Variants in SCAMP5 observed in about 807,000 individuals in gnomAD.
The protein encoded by SCAMP5 is secretory carrier-associated membrane protein 5.
In SCAMP5, 7 loss-of-function variants were observed where a neutral mutation model predicts 28.3. That is an observed-to-expected ratio of 0.25 (90% CI 0.14 to 0.46). The LOEUF (loss-of-function observed/expected upper bound fraction) is 0.46, where lower values mean the gene tolerates loss of function less well. Among genes scored for constraint, SCAMP5 ranks in the 20% least tolerant of loss-of-function variants. SCAMP5 has a pLI of 0.99. For missense variants in SCAMP5, 192 were observed against 312.5 expected, an observed-to-expected ratio of 0.61 and a Z score of 2.91; for synonymous variants, 117 against 116.4, an observed-to-expected ratio of 1.00 and a Z score of -0.03.
chr15:75,005,157 A>G (rs924791937), intron 1 of SCAMP5, among the ~76,000 whole-genome samples: 1 of 150,720 alleles, frequency 6.6e-6, no homozygotes, highest in Non-Finnish European at 1.5e-5. Flanking sequence ...CCTGGGTGAC[A>G]GAGTGAGGCT....
chr15:75,003,056 G>A (rs2065724203), intron 1 of SCAMP5, among the ~76,000 whole-genome samples: 1 of 152,136 alleles, frequency 6.6e-6, no homozygotes, highest in Admixed American at 6.6e-5. Flanking sequence ...TCAGCCTCCT[G>A]TGTAGCTGGG....
chr15:75,014,715 A>G (rs564528634), intron 3 of SCAMP5, among the ~76,000 whole-genome samples: 2 of 152,300 alleles, frequency 1.3e-5, no homozygotes, highest in East Asian at 3.9e-4. Flanking sequence ...AGACAGAAAG[A>G]AGCTGATGGC....
chr15:75,010,639 T>G (rs562170085), intron 1 of SCAMP5, among the ~76,000 whole-genome samples: 11 of 152,206 alleles, frequency 7.2e-5, no homozygotes, highest in African/African-American at 2.6e-4. Context: ...CAGCAAGACC[T>G]CCTCTCTACA....
chr15:75,004,170 C>G (rs573627616), intron 1 of SCAMP5, among the ~76,000 whole-genome samples: 1 of 152,070 alleles, frequency 6.6e-6, no homozygotes, highest in Non-Finnish European at 1.5e-5. Context: ...TCCCAAAGTG[C>G]TGGTATTACA....
chr15:75,006,604 G>A (rs796097915), intron 1 of SCAMP5, among the ~76,000 whole-genome samples: 2 of 152,042 alleles, frequency 1.3e-5, no homozygotes, highest in East Asian at 1.9e-4. Context: ...TGGCTAACAC[G>A]GTGAAACCCC....
chr15:75,006,930 C>T (rs905875687), intron 1 of SCAMP5, among the ~76,000 whole-genome samples: 6 of 151,878 alleles, frequency 4.0e-5, no homozygotes, highest in South Asian at 4.1e-4. Context: ...CAACAGAGCG[C>T]GACTCTGTCT....
rs954791728 is a variant in SCAMP5 at position 75,020,479 on chromosome 15, G to A, written c.*1496G>A. The A allele has an allele frequency of 3.9e-5, 6 of 152,628 alleles. No homozygotes were observed. The highest frequency in any genetic ancestry group is 3.3e-4 in the Admixed American group (5 of 15,274). 9.5% of individuals were successfully genotyped at this position (152,628 alleles called of 1,614,324 possible). Reference sequence around the variant, plus strand: ...GGCTCTCTGGCTTTAGTTTTGTTTTGTTTTCCAAATCAAGGTAACTTGCTC... The same window carrying A: ...GGCTCTCTGGCTTTAGTTTTGTTTTATTTTCCAAATCAAGGTAACTTGCTC... On this transcript the variant is annotated 3_prime_UTR_variant, in exon 7 of 7. Transcript: ENST00000425597.
chr15:75,012,118 G>A (rs1040400528), intron 2 of SCAMP5, among the ~76,000 whole-genome samples: 5 of 152,192 alleles, frequency 3.3e-5, no homozygotes, highest in African/African-American at 4.8e-5. Context: ...TTAGCTGCAT[G>A]AGTGGCTCAG....
At chr15:75,004,725 C>A (rs1359424001) in intron 1 of SCAMP5, among the ~76,000 whole-genome samples, 3 of 147,790 alleles carry the variant, frequency 2.0e-5, no homozygotes, top group African/African-American at 7.5e-5. Context: ...AGAGTGAGAC[C>A]CTGTCTCAAA....
rs576436626 is a variant in SCAMP5, at chr15:75,015,724, G to A, written c.137-869G>A. On this transcript the variant is annotated intron_variant, in intron 3 of 6. Transcript: ENST00000425597. ...GTGGATCACCTGAGGTCAGGAGTTC[G>A]AGACCAGCCTGGCCAACTTGGCGAA... 2.4e-3 allele frequency among the ~76,000 whole-genome samples: 365 copies of A among 152,186 alleles called. 3 individuals are homozygous for A. Among genetic ancestry groups the A allele is most frequent in the African/African-American group, 8.2e-3 (340 of 41,510 alleles).
chr15:75,017,734 C>A (rs12593566), intron 4 of SCAMP5, 136 bp from the exon 5 acceptor site: 644,031 of 706,314 alleles, frequency 0.91, 296,511 homozygotes, highest in East Asian at 0.97. Context: ...GAACTAACCC[C>A]TTCTGACCTC....
chr15:75,001,950 CA>C (rs1333826892), intron 1 of SCAMP5, among the ~76,000 whole-genome samples: 1 of 114,616 alleles, frequency 8.7e-6, no homozygotes, highest in East Asian at 2.8e-4. Flanking sequence ...ATAAACAAAA[CA>C]AAAAATTAGC....
intron 1 of SCAMP5, among the ~76,000 whole-genome samples, chr15:75,004,453 G>A (rs989576957): frequency 2.6e-5 from 4 of 152,176 alleles, no homozygotes; most frequent in Admixed American, 6.5e-5. Flanking sequence ...TCTACAGGCC[G>A]GCATGGTGGC....
At position 75,018,546 on chromosome 15, in the gene SCAMP5, C is replaced by G; in HGVS notation, c.513+11C>G. Reference sequence around the variant, plus strand: ...ATCGCCCTCAGCATGGTACGTGGTCCCCTCAAGGGTGAGAAGGTGGCTTTG... The same window carrying G: ...ATCGCCCTCAGCATGGTACGTGGTCGCCTCAAGGGTGAGAAGGTGGCTTTG... On this transcript the variant is annotated intron_variant, in intron 6 of 6. Coordinates refer to ENST00000425597, the MANE Select transcript of SCAMP5 (RefSeq NM_138967.4). The surrounding 1 kb of genome is among the most constrained non-coding windows in gnomAD (Gnocchi z 5.6). 1 of 1,560,052 alleles carries G rather than the reference C, an allele frequency of 6.4e-7. No individual in the cohort carries two copies. The highest frequency in any genetic ancestry group is 1.4e-5 in the African/African-American group (1 of 73,924).
chr15:75,000,374 A>T (rs921719193), intron 1 of SCAMP5, among the ~76,000 whole-genome samples: 5 of 145,364 alleles, frequency 3.4e-5, no homozygotes, highest in Admixed American at 6.9e-5. Context: ...AGGCATATTT[A>T]AAAAACCTTT....
intron 1 of SCAMP5, among the ~76,000 whole-genome samples, chr15:75,009,441 T>G (rs62029228): frequency 3.7e-5 from 5 of 136,064 alleles, no homozygotes; most frequent in Non-Finnish European, 7.8e-5. Flanking sequence ...TGCTAGAAGT[T>G]TGTGTGTGTG....
rs1242431082 is a variant in SCAMP5 at position 75,018,565 on chromosome 15, G to A, written c.513+30G>A. The A allele has an allele frequency of 2.7e-6, 4 of 1,492,502 alleles. No individual in the cohort carries two copies. Among genetic ancestry groups the A allele is most frequent in the African/African-American group, 1.4e-5 (1 of 72,572 alleles). 92.5% of individuals were successfully genotyped at this position (1,492,502 alleles called of 1,614,324 possible). ...GTGGTCCCCTCAAGGGTGAGAAGGTGGCTTTGGGAAGGGGCCATGTTCTGA... is the reference window on the plus strand; with the variant it reads ...GTGGTCCCCTCAAGGGTGAGAAGGTAGCTTTGGGAAGGGGCCATGTTCTGA... On this transcript the variant is annotated intron_variant, in intron 6 of 6. Transcript: ENST00000425597. The surrounding 1 kb of genome is among the most constrained non-coding windows in gnomAD (Gnocchi z 5.6).
At chr15:75,001,760 C>G (rs1356025971) in intron 1 of SCAMP5, among the ~76,000 whole-genome samples, 1 of 150,352 alleles carries the variant, frequency 6.7e-6, no homozygotes, top group Non-Finnish European at 1.5e-5. Context: ...ATTCCAGCTA[C>G]TCGGGATGCT....
chr15:75,011,211 A>C (rs1405108720), intron 1 of SCAMP5, among the ~76,000 whole-genome samples: 1 of 133,688 alleles, frequency 7.5e-6, no homozygotes, highest in Non-Finnish European at 1.5e-5. Flanking sequence ...GTCTCAAAAA[A>C]AGTTTTTTAA....
Sources: gnomAD v4.1 joint callset for allele counts (sites outside exome capture counted in the v4.1 genomes callset) on GRCh38, gnomAD v4.1.1 for gene constraint, Gnocchi (gnomAD v3.1) non-coding constraint, MANE v1.5 for transcripts, NCBI Gene and HGNC (gene_info 2026-07-23, HGNC 2026-07-21) for gene names.